TTC29: variants seen among roughly 807,000 people sequenced by gnomAD.
The protein encoded by TTC29 is tetratricopeptide repeat protein 29.
In TTC29, 49 loss-of-function variants were observed where a neutral mutation model predicts 58.1. The ratio of observed to expected loss-of-function variants is 0.84; its 90% CI spans 0.67 to 1.07. TTC29 has a LOEUF of 1.07. Ranked by LOEUF, TTC29 falls within the 50% of genes least tolerant of loss-of-function variation. TTC29 has a pLI of 0.00. For synonymous variants in TTC29, 209 were observed against 196.8 expected (o/e 1.06, Z -0.52); for missense variants, 582 against 555.6 (o/e 1.05, Z -0.48).
chr4:146,750,076 C>T (rs1447669874), intron 11 of TTC29, among the ~76,000 whole-genome samples: 3 of 152,050 alleles, frequency 2.0e-5, no homozygotes, highest in Non-Finnish European at 2.9e-5. Flanking sequence ...GGTGCGATCT[C>T]GGCTCACTGC....
chr4:146,849,708 G>A (rs1013006100), intron 8 of TTC29, among the ~76,000 whole-genome samples: 1 of 151,102 alleles, frequency 6.6e-6, no homozygotes, highest in Non-Finnish European at 1.5e-5. Flanking sequence ...TGACCTCCAA[G>A]GTCAGCTATG....
intron 4 of TTC29, among the ~76,000 whole-genome samples, chr4:146,917,586 T>G (rs1326231015): frequency 7.6e-6 from 1 of 130,972 alleles, no homozygotes; most frequent in Non-Finnish European, 1.6e-5. Flanking sequence ...TGCAATTAGA[T>G]ATTATATACA....
chr4:146,876,232 G>T (rs1011183549), intron 6 of TTC29, among the ~76,000 whole-genome samples: 3 of 152,096 alleles, frequency 2.0e-5, no homozygotes, highest in African/African-American at 7.2e-5. Flanking sequence ...TATGTTACAG[G>T]GTAGGTGCTC....
chr4:146,836,800 A>G (rs1301060527), intron 8 of TTC29, among the ~76,000 whole-genome samples: 1 of 152,154 alleles, frequency 6.6e-6, no homozygotes, highest in African/African-American at 2.4e-5. Context: ...ATGAGATACC[A>G]TCTCTTATGA....
At chr4:146,718,038 C>T (rs1195904767) in intron 11 of TTC29, among the ~76,000 whole-genome samples, 1 of 152,060 alleles carries the variant, frequency 6.6e-6, no homozygotes, top group Non-Finnish European at 1.5e-5. Context: ...TCTCCAATTC[C>T]ATCTATGATA....
chr4:146,845,260 A>G (rs1331726212), intron 8 of TTC29, among the ~76,000 whole-genome samples: 1 of 152,114 alleles, frequency 6.6e-6, no homozygotes, highest in Non-Finnish European at 1.5e-5. Flanking sequence ...TTTTCCTTCC[A>G]TGTGTATCAG....
At chr4:146,917,595 C>T in intron 4 of TTC29, among the ~76,000 whole-genome samples, 1 of 117,882 alleles carries the variant, frequency 8.5e-6, no homozygotes, top group South Asian at 3.0e-4. Flanking sequence ...ATATTATATA[C>T]ATTATATATT....
At chr4:146,861,375 AT>A (rs1392816437) in intron 8 of TTC29, among the ~76,000 whole-genome samples, 1 of 152,166 alleles carries the variant, frequency 6.6e-6, no homozygotes, top group African/African-American at 2.4e-5. Flanking sequence ...AAAGGGAATT[AT>A]GTTTTCCTTC....
chr4:146,908,997 T>G (rs770251478), intron 5 of TTC29, 29 bp downstream of exon 5: 1 of 1,595,804 alleles, frequency 6.3e-7, no homozygotes, highest in Non-Finnish European at 8.6e-7. Context: ...TGGCTCCTTC[T>G]GTGCTCTGCC....
intron 8 of TTC29, among the ~76,000 whole-genome samples, chr4:146,866,427 T>G (rs759387720): frequency 5.3e-5 from 8 of 152,286 alleles, no homozygotes; most frequent in Middle Eastern, 3.4e-3. Flanking sequence ...CAAAAACTTT[T>G]TTTTTGGTGC....
At chr4:146,759,480 C>A (rs147151810) in intron 11 of TTC29, among the ~76,000 whole-genome samples, 10,521 of 151,706 alleles carry the variant, frequency 0.069, 457 homozygotes, top group Admixed American at 0.13. Context: ...AGGACATAAC[C>A]AAAAAAGAAA....
At chr4:146,775,087 C>T (rs538548789) in intron 11 of TTC29, among the ~76,000 whole-genome samples, 158 of 151,850 alleles carry the variant, frequency 1.0e-3, no homozygotes, top group Non-Finnish European at 6.6e-4. Flanking sequence ...TTTTGTTTTC[C>T]ATTGCTCAGT....
intron 6 of TTC29, among the ~76,000 whole-genome samples, chr4:146,878,895 C>T (rs1280373797): frequency 1.3e-5 from 2 of 152,032 alleles, no homozygotes; most frequent in Non-Finnish European, 2.9e-5. Context: ...CTGTGGGGGG[C>T]TCTGGAATTC....
chr4:146,814,160 C>T (rs1476144270), intron 10 of TTC29, among the ~76,000 whole-genome samples: 7 of 152,046 alleles, frequency 4.6e-5, no homozygotes, highest in Non-Finnish European at 8.8e-5. Context: ...GAATAATAAA[C>T]GAGGCAGATA....
rs986168137 is a variant in TTC29, at chr4:146,877,022, A to G, written c.587-2094T>C. Among the ~76,000 whole-genome samples the G allele has an allele frequency of 8.6e-5, 13 of 152,026 alleles. No homozygotes were observed. The South Asian group carries it at 2.7e-3, about 32-fold the overall frequency. On this transcript the variant is annotated intron_variant, in intron 6 of 12. Coordinates refer to ENST00000325106, the MANE Select transcript of TTC29 (RefSeq NM_031956.4). ...CGTGCAGGAGGACATGTCAGCGAAG[A>G]TACATACAGAAGGGGCAATGTGTAC...
chr4:146,919,583 A>C (rs1001632285), intron 4 of TTC29, among the ~76,000 whole-genome samples: 4 of 150,910 alleles, frequency 2.7e-5, no homozygotes, highest in Admixed American at 6.6e-5. Context: ...TTAACAAAAA[A>C]CTCCATAGAA....
chr4:146,924,506 C>T (rs1037695041), intron 4 of TTC29, among the ~76,000 whole-genome samples: 2 of 151,822 alleles, frequency 1.3e-5, no homozygotes, highest in Admixed American at 6.6e-5. Context: ...AGAAATTTAG[C>T]CATTTCATCT....
chr4:146,850,874 C>T (rs532632258), intron 8 of TTC29, among the ~76,000 whole-genome samples: 8 of 152,114 alleles, frequency 5.3e-5, no homozygotes, highest in African/African-American at 1.9e-4. Context: ...CTAATATAAG[C>T]TCATAGGGAA....
At chr4:146,718,722 T>C (rs188493439) in intron 11 of TTC29, among the ~76,000 whole-genome samples, 1 of 152,250 alleles carries the variant, frequency 6.6e-6, no homozygotes, top group Admixed American at 6.5e-5. Flanking sequence ...TGTAATCCCA[T>C]TTGTCTGTTT....
Sources: gnomAD v4.1 joint callset for allele counts (sites outside exome capture counted in the v4.1 genomes callset) on GRCh38, gnomAD v4.1.1 for gene constraint, MANE v1.5 for transcripts, NCBI Gene and HGNC (gene_info 2026-07-23, HGNC 2026-07-21) for gene names.